Variants in SPOCK1 observed in about 807,000 individuals in gnomAD.
The protein encoded by SPOCK1 is testican-1.
SPOCK1 carries 23 observed loss-of-function variants against 55.3 expected under a neutral mutation model. That is an observed-to-expected ratio of 0.42 (90% CI 0.30 to 0.59). The LOEUF is 0.59. SPOCK1 is among the 20% of genes least tolerant of loss of function. SPOCK1 has a pLI of 0.22. For missense variants in SPOCK1, 499 were observed against 552.5 expected, an observed-to-expected ratio of 0.90 and a Z score of 0.97; for synonymous variants, 226 against 221.0, an observed-to-expected ratio of 1.02 and a Z score of -0.20.
At chr5:137,265,416 T>C (rs1046257180) in intron 3 of SPOCK1, among the ~76,000 whole-genome samples, 1 of 152,208 alleles carries the variant, frequency 6.6e-6, no homozygotes, top group Non-Finnish European at 1.5e-5. Context: ...TCAATTGAGT[T>C]ACCTTTGCAA....
At chr5:137,476,392 T>C (rs923505120) in intron 2 of SPOCK1, among the ~76,000 whole-genome samples, 3 of 152,152 alleles carry the variant, frequency 2.0e-5, no homozygotes, top group Admixed American at 6.5e-5. Flanking sequence ...TTTTGAACCA[T>C]GCATAGGTAC....
chr5:137,135,783 T>C (rs1218159744), intron 4 of SPOCK1, among the ~76,000 whole-genome samples: 6 of 152,240 alleles, frequency 3.9e-5, no homozygotes, highest in Non-Finnish European at 8.8e-5. Context: ...TGCCTAATTA[T>C]TATCAGATTC....
chr5:137,071,639 G>C (rs1455175346), intron 5 of SPOCK1, among the ~76,000 whole-genome samples: 3 of 152,284 alleles, frequency 2.0e-5, no homozygotes, highest in African/African-American at 7.2e-5. Context: ...TGACAACGAA[G>C]CTAGAACCAC....
intron 3 of SPOCK1, among the ~76,000 whole-genome samples, chr5:137,200,996 C>G (rs568270226): frequency 3.9e-5 from 6 of 152,126 alleles, no homozygotes; most frequent in African/African-American, 1.4e-4. Flanking sequence ...ACAACACAGC[C>G]GGGGATTTGT....
intron 2 of SPOCK1, among the ~76,000 whole-genome samples, chr5:137,283,938 C>T (rs1394209040): frequency 6.6e-6 from 1 of 152,172 alleles, no homozygotes; most frequent in Non-Finnish European, 1.5e-5. Context: ...TAAGCAGAAA[C>T]CAAGAAACTG....
At chr5:137,006,147 C>T (rs1050415008) in intron 6 of SPOCK1, among the ~76,000 whole-genome samples, 2 of 152,172 alleles carry the variant, frequency 1.3e-5, no homozygotes, top group African/African-American at 4.8e-5. Context: ...ATGATGCTCC[C>T]AGCTTCGTTC....
intron 4 of SPOCK1, among the ~76,000 whole-genome samples, chr5:137,113,857 A>T (rs1753521859): frequency 6.6e-6 from 1 of 152,070 alleles, no homozygotes; most frequent in Non-Finnish European, 1.5e-5. Flanking sequence ...AGACGGAAAT[A>T]TTTTCTACCA....
intron 2 of SPOCK1, among the ~76,000 whole-genome samples, chr5:137,319,764 T>C (rs1400979343): frequency 6.6e-6 from 1 of 151,064 alleles, no homozygotes; most frequent in Non-Finnish European, 1.5e-5. Flanking sequence ...GCTAACAAGG[T>C]GAAACCCCGT....
At chr5:136,995,225 C>T (rs1338477503) in intron 6 of SPOCK1, among the ~76,000 whole-genome samples, 1 of 152,122 alleles carries the variant, frequency 6.6e-6, no homozygotes, top group Non-Finnish European at 1.5e-5. Context: ...AAGTTTGTTC[C>T]CGTACTTCTC....
chr5:137,030,759 C>G (rs184726484), intron 6 of SPOCK1, among the ~76,000 whole-genome samples: 1 of 152,200 alleles, frequency 6.6e-6, no homozygotes, highest in Admixed American at 6.5e-5. Context: ...TTTATCCTAT[C>G]AAAGATGTGG....
chr5:137,306,797 CA>C (rs1369928399), intron 2 of SPOCK1, among the ~76,000 whole-genome samples: 3 of 151,766 alleles, frequency 2.0e-5, no homozygotes, highest in African/African-American at 7.3e-5. Flanking sequence ...TCAGCCTAAA[CA>C]ACACATAATT....
At chr5:137,401,432 A>G (rs1249543610) in intron 2 of SPOCK1, among the ~76,000 whole-genome samples, 1 of 151,916 alleles carries the variant, frequency 6.6e-6, no homozygotes, top group East Asian at 1.9e-4. Context: ...AAAGCTGGGT[A>G]TGGTGTATGG....
chr5:137,412,819 G>A (rs949578257), intron 2 of SPOCK1, among the ~76,000 whole-genome samples: 5 of 152,172 alleles, frequency 3.3e-5, no homozygotes, highest in Non-Finnish European at 5.9e-5. Context: ...TAAATGTGCA[G>A]GAATGTTCTC....
intron 2 of SPOCK1, among the ~76,000 whole-genome samples, chr5:137,430,140 G>T (rs1321708078): frequency 6.6e-6 from 1 of 152,226 alleles, no homozygotes; most frequent in East Asian, 1.9e-4. Flanking sequence ...CTACACAGAG[G>T]TGTGTTCAAC....
intron 6 of SPOCK1, among the ~76,000 whole-genome samples, chr5:137,010,089 A>T (rs1031137363): frequency 6.6e-6 from 1 of 152,022 alleles, no homozygotes; most frequent in Non-Finnish European, 1.5e-5. Flanking sequence ...GGCCCTATTC[A>T]TGCAGTTCTA....
At chr5:137,314,992 G>C (rs1201974488) in intron 2 of SPOCK1, among the ~76,000 whole-genome samples, 1 of 152,140 alleles carries the variant, frequency 6.6e-6, no homozygotes, top group East Asian at 1.9e-4. Context: ...AAGAGTGGCT[G>C]TATGCACCAA....
intron 3 of SPOCK1, among the ~76,000 whole-genome samples, chr5:137,156,341 CT>C (rs1207956879): frequency 7.2e-5 from 11 of 152,312 alleles, no homozygotes; most frequent in Admixed American, 4.6e-4. Flanking sequence ...TCCAAAAACT[CT>C]TCAAACCATC....
chr5:137,111,647 A>C (rs1753476245), intron 5 of SPOCK1, among the ~76,000 whole-genome samples: 1 of 152,022 alleles, frequency 6.6e-6, no homozygotes, highest in Non-Finnish European at 1.5e-5. Flanking sequence ...GCCATACTTC[A>C]CCCAAGGAGA....
chr5:137,316,316 G>C (rs999257872), intron 2 of SPOCK1, among the ~76,000 whole-genome samples: 2 of 152,222 alleles, frequency 1.3e-5, no homozygotes, highest in Non-Finnish European at 2.9e-5. Context: ...CTGAATTTGG[G>C]AAGTGATGCA....
Sources: allele counts gnomAD v4.1 joint callset (sites outside exome capture counted in the v4.1 genomes callset), GRCh38; gene constraint gnomAD v4.1.1; transcripts MANE v1.5; gene names NCBI Gene and HGNC (gene_info 2026-07-23, HGNC 2026-07-21).